CNTNAP2: variants seen among roughly 807,000 people sequenced by gnomAD.
CNTNAP2 encodes contactin-associated protein-like 2.
CNTNAP2 carries 98 observed loss-of-function variants against 155.2 expected under a neutral mutation model. The ratio of observed to expected loss-of-function variants is 0.63; its 90% CI spans 0.54 to 0.75. The LOEUF is 0.75. Ranked by LOEUF, CNTNAP2 falls within the 30% of genes least tolerant of loss-of-function variation. The pLI is 0.00. For synonymous variants in CNTNAP2, 651 were observed against 631.2 expected (o/e 1.03, Z -0.47); for missense variants, 1,727 against 1,688.1 (o/e 1.02, Z -0.40).
chr7:147,775,313 A>T (rs1223753559), intron 13 of CNTNAP2, among the ~76,000 whole-genome samples: 1 of 34,532 alleles, frequency 2.9e-5, no homozygotes, highest in Non-Finnish European at 4.2e-5. Context: ...ATTTATAAAT[A>T]TATATATATT....
rs574771524 is a variant in CNTNAP2, at chr7:147,439,476, G to A, written c.1670+43696G>A. 4.2e-4 allele frequency among the ~76,000 whole-genome samples: 64 copies of A among 151,724 alleles called. 1 individual carries two copies. The South Asian group carries it at 9.3e-3, about 22-fold the overall frequency. On this transcript the variant is annotated intron_variant, in intron 10 of 23. Transcript: ENST00000361727. ...ATATTATTTCAATTTTTTTAATGTT[G>A]TGAGCCTTGTTTTGTGACCTAACAT... is the stretch of plus-strand genomic sequence containing the variant.
At chr7:146,980,558 A>G (rs1314042042) in intron 3 of CNTNAP2, among the ~76,000 whole-genome samples, 1 of 152,186 alleles carries the variant, frequency 6.6e-6, no homozygotes. Context: ...CAGACTGTAC[A>G]GGAAGTGTGG....
intron 1 of CNTNAP2, among the ~76,000 whole-genome samples, chr7:146,131,508 T>C (rs1797712669): frequency 6.6e-6 from 1 of 152,232 alleles, no homozygotes. Flanking sequence ...ATTACATTTG[T>C]GACTTCCTGG....
intron 4 of CNTNAP2, 126 bp downstream of exon 4, chr7:147,044,180 A>G (rs1268629018): frequency 2.0e-6 from 2 of 982,192 alleles, no homozygotes; most frequent in Non-Finnish European, 3.1e-6. Flanking sequence ...ATTTACATAT[A>G]TATGTATCTA....
At chr7:146,154,854 C>T (rs1798101058) in intron 1 of CNTNAP2, among the ~76,000 whole-genome samples, 1 of 152,122 alleles carries the variant, frequency 6.6e-6, no homozygotes, top group South Asian at 2.1e-4. Flanking sequence ...GTATTCCTTC[C>T]CTTCAGAGCC....
chr7:147,083,478 C>T (rs1479809422), intron 4 of CNTNAP2, among the ~76,000 whole-genome samples: 1 of 148,476 alleles, frequency 6.7e-6, no homozygotes, highest in Non-Finnish European at 1.5e-5. Context: ...GATTTCTCAT[C>T]CTCAAAAGAC....
intron 3 of CNTNAP2, among the ~76,000 whole-genome samples, chr7:146,903,507 C>A (rs1000688291): frequency 1.3e-5 from 2 of 152,180 alleles, no homozygotes; most frequent in Non-Finnish European, 2.9e-5. Flanking sequence ...CTCAGTCTTT[C>A]CATCTTAGAA....
intron 21 of CNTNAP2, among the ~76,000 whole-genome samples, chr7:148,292,993 C>T (rs1797214340): frequency 6.6e-6 from 1 of 151,894 alleles, no homozygotes; most frequent in East Asian, 1.9e-4. Context: ...TAAAATTTTT[C>T]CCAGTGTTAA....
chr7:147,490,242 C>T (rs1282256331), intron 11 of CNTNAP2, among the ~76,000 whole-genome samples: 6 of 151,972 alleles, frequency 3.9e-5, no homozygotes, highest in Non-Finnish European at 8.8e-5. Flanking sequence ...TTTAAAATCA[C>T]GAGATTTAAA....
chr7:146,630,285 C>T (rs1234962511), intron 1 of CNTNAP2, among the ~76,000 whole-genome samples: 1 of 152,150 alleles, frequency 6.6e-6, no homozygotes, highest in African/African-American at 2.4e-5. Flanking sequence ...CTTCCAGCTT[C>T]ATCCATGTCC....
At chr7:146,930,761 A>C (rs977923400) in intron 3 of CNTNAP2, among the ~76,000 whole-genome samples, 1 of 152,242 alleles carries the variant, frequency 6.6e-6, no homozygotes, top group South Asian at 2.1e-4. Flanking sequence ...CAAATGGAAA[A>C]CAAAAAAAGG....
At chr7:147,676,210 TGAA>T (rs1795864416) in intron 13 of CNTNAP2, among the ~76,000 whole-genome samples, 1 of 151,946 alleles carries the variant, frequency 6.6e-6, no homozygotes, top group Non-Finnish European at 1.5e-5. Flanking sequence ...TTGTTCTAAA[TGAA>T]GAATGTTTTC....
intron 11 of CNTNAP2, among the ~76,000 whole-genome samples, chr7:147,494,195 A>G (rs1181920296): frequency 6.6e-6 from 1 of 152,152 alleles, no homozygotes; most frequent in Non-Finnish European, 1.5e-5. Context: ...CTGTGAAAGT[A>G]CTACCTGGGT....
At chr7:147,994,085 T>C (rs937324058) in intron 15 of CNTNAP2, among the ~76,000 whole-genome samples, 1 of 152,136 alleles carries the variant, frequency 6.6e-6, no homozygotes. Context: ...GAATTTAGCA[T>C]TAGGCTGGGT....
intron 12 of CNTNAP2, among the ~76,000 whole-genome samples, chr7:147,573,107 G>A (rs944210440): frequency 6.6e-6 from 1 of 151,980 alleles, no homozygotes; most frequent in Non-Finnish European, 1.5e-5. Flanking sequence ...TTATTTCCTG[G>A]ACCTGACTTA....
intron 2 of CNTNAP2, among the ~76,000 whole-genome samples, chr7:146,785,878 C>T (rs754795904): frequency 2.0e-5 from 3 of 152,160 alleles, no homozygotes; most frequent in Non-Finnish European, 4.4e-5. Context: ...ACATGGCTTT[C>T]GACTTGTGCT....
At chr7:147,599,674 T>G (rs1800906763) in intron 12 of CNTNAP2, among the ~76,000 whole-genome samples, 1 of 152,128 alleles carries the variant, frequency 6.6e-6, no homozygotes, top group Non-Finnish European at 1.5e-5. Flanking sequence ...CTTGAGTTCT[T>G]TGGCATGTCA....
At chr7:146,749,526 C>T (rs1801867416) in intron 1 of CNTNAP2, among the ~76,000 whole-genome samples, 1 of 152,070 alleles carries the variant, frequency 6.6e-6, no homozygotes, top group Non-Finnish European at 1.5e-5. Context: ...TTCTGCAGTA[C>T]AGACCAAGGA....
intron 15 of CNTNAP2, among the ~76,000 whole-genome samples, chr7:148,107,305 T>G (rs1324903397): frequency 6.6e-6 from 1 of 152,104 alleles, no homozygotes; most frequent in Non-Finnish European, 1.5e-5. Context: ...CAGCATATTC[T>G]TTTTCTCTGT....
Sources: allele counts gnomAD v4.1 joint callset (sites outside exome capture counted in the v4.1 genomes callset), GRCh38; gene constraint gnomAD v4.1.1; transcripts MANE v1.5; gene names NCBI Gene and HGNC (gene_info 2026-07-23, HGNC 2026-07-21).